The following ABCC3 variants were observed in gnomAD, a reference collection of about 807,000 sequenced individuals.
ABCC3 encodes ATP binding cassette subfamily C member 3, also known as ATP-binding cassette sub-family C member 3.
A neutral mutation model predicts 165.3 loss-of-function variants in ABCC3; 121 were observed. The ratio of observed to expected loss-of-function variants is 0.73; its 90% confidence interval spans 0.63 to 0.85. The LOEUF (loss-of-function observed/expected upper bound fraction) is 0.85. Among genes scored for constraint, ABCC3 ranks in the 40% least tolerant of loss-of-function variants. The pLI, the probability that ABCC3 is intolerant of heterozygous loss-of-function variation, is 0.00. For synonymous variants in ABCC3, 733 were observed against 810.1 expected (o/e 0.90, Z 1.62); for missense variants, 1,869 against 1,964.1 (o/e 0.95, Z 0.92).
Position 50,691,500 on chromosome 17 carries a change from G to T in ABCC3, c.*300G>T. The T allele has an allele frequency of 4.1e-6, 1 of 245,364 alleles. No homozygotes were observed. The highest frequency in any genetic ancestry group is 8.1e-6 in the Non-Finnish European group (1 of 123,986). 15.2% of individuals were successfully genotyped at this position (245,364 alleles called of 1,614,324 possible). A position where few individuals can be genotyped will look rare whatever the true frequency, so the allele number is the denominator to read the frequency against. The stretch of plus-strand genomic sequence containing the variant: ...CACTGTTTTCAAATAACGATTTTAT[G>T]AAATGACCTCTGTCCTCCCTCTGAT... On this transcript the variant is annotated 3_prime_UTR_variant, in exon 31 of 31. Transcript: ENST00000285238.
At chr17:50,668,950 G>T (rs1291909679) in intron 15 of ABCC3, 31 bp downstream of exon 15, 1 of 1,610,540 alleles carries the variant, frequency 6.2e-7, no homozygotes, top group East Asian at 2.2e-5. Context: ...CTTCCCAGCT[G>T]CCCACGGTGG....
chr17:50,680,216 C>T (rs1292881778), intron 26 of ABCC3, among the ~76,000 whole-genome samples: 1 of 152,116 alleles, frequency 6.6e-6, no homozygotes, highest in African/African-American at 2.4e-5. Context: ...GATCCTTCAG[C>T]TGGGGTGACC....
At chr17:50,683,865 T>C in intron 27 of ABCC3, 84 bp from the exon 28 acceptor site, 3 of 1,562,304 alleles carry the variant, frequency 1.9e-6, no homozygotes, top group Non-Finnish European at 2.6e-6. Context: ...CAGCCACATG[T>C]TTGTTCGGCC....
At chr17:50,684,344 G>A (rs1967983519) in intron 28 of ABCC3, among the ~76,000 whole-genome samples, 1 of 152,120 alleles carries the variant, frequency 6.6e-6, no homozygotes, top group Admixed American at 6.6e-5. Flanking sequence ...AGCACATGGG[G>A]AAGGACCCCT....
At chr17:50,652,747 C>T (rs1967136355) in intron 1 of ABCC3, among the ~76,000 whole-genome samples, 2 of 152,200 alleles carry the variant, frequency 1.3e-5, no homozygotes, top group Admixed American at 1.3e-4. Context: ...GAGGAACTCA[C>T]TTTCAAAAGG....
At chr17:50,678,027 C>T (rs967935) in intron 24 of ABCC3, 66 bp from the exon 25 acceptor site, 105,354 of 1,613,896 alleles carry the variant, frequency 0.065, 4,193 homozygotes, top group African/African-American at 0.15. Flanking sequence ...TCCCTCCTTT[C>T]CCCTAAGCAG....
At chr17:50,643,604 G>A (rs1395839491) in intron 1 of ABCC3, 2 of 456,244 alleles carry the variant, frequency 4.4e-6, no homozygotes, top group African/African-American at 4.0e-5. Flanking sequence ...TCAAGGCCAA[G>A]AGTGACGCTC....
chr17:50,691,242 A>C lies in ABCC3; in HGVS notation c.*42A>C, dbSNP rs772632997. 3 of 1,501,304 alleles carry C rather than the reference A, an allele frequency of 2.0e-6. No individual in the cohort carries two copies. The highest frequency in any genetic ancestry group is 2.3e-5 in the East Asian group (1 of 44,244). The allele number at this position is 1,501,304 out of a possible 1,614,324, so 93.0% of individuals were successfully genotyped here. On this transcript the variant is annotated 3_prime_UTR_variant, in exon 31 of 31. Transcript: ENST00000285238. Reference sequence around the variant, plus strand: ...TTCCTCCTGGCCTTTCCTGGTTTTCATCAGGAAGGAAATGACACCAAATAT... The same window carrying C: ...TTCCTCCTGGCCTTTCCTGGTTTTCCTCAGGAAGGAAATGACACCAAATAT...
rs773653634 is a variant in ABCC3 at position 50,687,699 on chromosome 17, C to T, written c.4444C>T (p.His1482Tyr). 6.2e-7 allele frequency: 1 copy of T among 1,614,238 alleles called. No homozygotes were observed. The highest frequency in any genetic ancestry group is 1.3e-5 in the African/African-American group (1 of 75,058). ...FDTCTVLTIAHRLNTIMDYTR... is the reference protein window; with the variant it reads ...FDTCTVLTIAYRLNTIMDYTR... ...TACCTGCACTGTCCTGACCATCGCA[C>T]ACCGGCTTAACACTATCATGGACTA... The change falls in exon 30 of 31, where the codon CAC becomes TAC. Residue 1482 changes from histidine (H) to tyrosine (Y), a missense_variant. By Grantham distance (83) the His-to-Tyr change is moderately conservative (BLOSUM62 2). Transcript: ENST00000285238.
intron 1 of ABCC3, among the ~76,000 whole-genome samples, chr17:50,636,531 G>C (rs1172697037): frequency 6.6e-6 from 1 of 152,234 alleles, no homozygotes; most frequent in Non-Finnish European, 1.5e-5. Context: ...CTTGCCACCA[G>C]GGTCCAGAGG....
At chr17:50,640,798 C>A (rs542111483) in intron 1 of ABCC3, among the ~76,000 whole-genome samples, 53 of 152,332 alleles carry the variant, frequency 3.5e-4, no homozygotes, top group African/African-American at 1.2e-3. Flanking sequence ...GCTGGGATTA[C>A]AGCACAGCCA....
At chr17:50,656,470 A>T (rs1967250375) in intron 2 of ABCC3, among the ~76,000 whole-genome samples, 1 of 152,244 alleles carries the variant, frequency 6.6e-6, no homozygotes, top group Admixed American at 6.5e-5. Context: ...GAATCTGACA[A>T]CTGAGAATAT....
intron 7 of ABCC3, 27 bp from the exon 8 acceptor site, chr17:50,660,896 C>A (rs182409381): frequency 1.3e-6 from 2 of 1,560,422 alleles, no homozygotes; most frequent in Non-Finnish European, 8.7e-7. Context: ...CCATTCCTAA[C>A]CCACTGCTCC....
At chr17:50,643,901 G>C (rs1260819279) in intron 1 of ABCC3, among the ~76,000 whole-genome samples, 3 of 152,164 alleles carry the variant, frequency 2.0e-5, no homozygotes, top group African/African-American at 7.2e-5. Flanking sequence ...ATGAGCAGCA[G>C]GAGTCACTGC....
intron 1 of ABCC3, among the ~76,000 whole-genome samples, chr17:50,643,877 T>C (rs1966938193): frequency 6.6e-6 from 1 of 151,970 alleles, no homozygotes; most frequent in Non-Finnish European, 1.5e-5. Flanking sequence ...GGTTGGGTGC[T>C]AGGATGTGGC....
At chr17:50,668,996 G>A in intron 15 of ABCC3, 77 bp downstream of exon 15, 1 of 1,597,384 alleles carries the variant, frequency 6.3e-7, no homozygotes, top group Non-Finnish European at 8.6e-7. Flanking sequence ...ACCCTGCAAA[G>A]CCTTTGACCA....
At chr17:50,640,323 A>C (rs1201614292) in intron 1 of ABCC3, among the ~76,000 whole-genome samples, 1 of 152,188 alleles carries the variant, frequency 6.6e-6, no homozygotes, top group African/African-American at 2.4e-5. Flanking sequence ...GCCCTGGAAC[A>C]AAACTCTCTG....
chr17:50,689,030 C>T (rs1193141142), intron 30 of ABCC3, among the ~76,000 whole-genome samples: 1 of 152,050 alleles, frequency 6.6e-6, no homozygotes, highest in East Asian at 1.9e-4. Context: ...TGGTGAAACC[C>T]TGTCTCTACT....
At chr17:50,663,548 A>G in intron 8 of ABCC3, 133 bp from the exon 9 acceptor site, 1 of 1,060,100 alleles carries the variant, frequency 9.4e-7, no homozygotes. Context: ...TCCCTGGCCC[A>G]AGAGGTTGGA....
Sources: allele counts gnomAD v4.1 joint callset (sites outside exome capture counted in the v4.1 genomes callset), GRCh38; gene constraint gnomAD v4.1.1; transcripts MANE v1.5; gene names NCBI Gene and HGNC (gene_info 2026-07-23, HGNC 2026-07-21).